Variants in C1QTNF5 observed in about 807,000 individuals in gnomAD.
C1QTNF5 encodes the protein C1q and TNF related 5, also known as complement C1q tumor necrosis factor-related protein 5.
A neutral mutation model predicts 10.9 loss-of-function variants in C1QTNF5; 5 were observed. The observed-to-expected ratio is 0.46, with a 90% CI of 0.24 to 0.97. The LOEUF (loss-of-function observed/expected upper bound fraction) is 0.97, where lower values mean the gene tolerates loss of function less well. Ranked by LOEUF, C1QTNF5 falls within the 50% of genes least tolerant of loss-of-function variation. C1QTNF5 has a pLI of 0.19. For missense variants in C1QTNF5, 281 were observed against 339.4 expected, an observed-to-expected ratio of 0.83 and a Z score of 1.35; for synonymous variants, 161 against 156.5, an observed-to-expected ratio of 1.03 and a Z score of -0.22.
chr11:119,345,269 G>C (rs117866758), upstream of C1QTNF5: 14 of 839,528 alleles, frequency 1.7e-5, no homozygotes, highest in East Asian at 3.2e-4. Context: ...TCTTCCTCAC[G>C]GCACACAGCA....
upstream of C1QTNF5, chr11:119,343,751 A>G (rs1479180740): frequency 1.9e-6 from 3 of 1,600,528 alleles, no homozygotes; most frequent in East Asian, 4.5e-5. Context: ...CTGGGCCGAC[A>G]TGGAAGCCGG....
the C1QTNF5 span, chr11:119,346,368 A>G: frequency 6.2e-7 from 1 of 1,613,942 alleles, no homozygotes; most frequent in Non-Finnish European, 8.5e-7. Flanking sequence ...GGATTGCAGA[A>G]CTCGGTCTGG....
Position 119,339,364 on chromosome 11 carries a change from G to A in C1QTNF5, c.699C>T (p.Tyr233=). Residue 233 remains tyrosine (Y), a synonymous_variant, in exon 3 of 3, where the codon TAC becomes TAT. Coordinates refer to ENST00000528368, the MANE Select transcript of C1QTNF5 (RefSeq NM_001278431.2). The surrounding 1 kb of genome is among the most constrained non-coding windows in gnomAD (Gnocchi z 5.4). ...TDSTFSGFLV[Y]SDWHSSPVFA ...AGACTGGGGAGCTGTGCCAGTCGGAGTACACCAGAAATCCGGAGAAGGTGC... is the reference window on the plus strand; with the variant it reads ...AGACTGGGGAGCTGTGCCAGTCGGAATACACCAGAAATCCGGAGAAGGTGC... 1 of 1,613,200 alleles carries A rather than the reference G, an allele frequency of 6.2e-7. No homozygotes were observed. Among genetic ancestry groups the A allele is most frequent in the Non-Finnish European group, 8.5e-7 (1 of 1,179,430 alleles).
At chr11:119,345,647 G>A (rs201244815), upstream of C1QTNF5, 7 of 1,613,394 alleles carry the variant, frequency 4.3e-6, no homozygotes, top group Non-Finnish European at 5.9e-6. Context: ...CAGAGATGGA[G>A]GTTAGAGTTC....
chr11:119,344,055 G>GCT, upstream of C1QTNF5: 5 of 1,515,352 alleles, frequency 3.3e-6, no homozygotes, highest in Non-Finnish European at 4.5e-6. Flanking sequence ...ACTGCTGGCT[G>GCT]GGGGGATGGG....
upstream of C1QTNF5, among the ~76,000 whole-genome samples, chr11:119,342,352 G>A (rs1950510684): frequency 6.6e-6 from 1 of 152,220 alleles, no homozygotes; most frequent in Non-Finnish European, 1.5e-5. Flanking sequence ...AGAAGGGACT[G>A]GTTCTTGAAG....
upstream of C1QTNF5, chr11:119,344,570 G>A: frequency 6.2e-7 from 1 of 1,612,746 alleles, no homozygotes; most frequent in Non-Finnish European, 8.5e-7. Context: ...ACCAGAGCTG[G>A]GGAGCCCAGC....
At chr11:119,341,593 G>A, upstream of C1QTNF5, 14 of 1,612,972 alleles carry the variant, frequency 8.7e-6, no homozygotes, top group Non-Finnish European at 1.1e-5. Flanking sequence ...CTGGCAGCCT[G>A]TTGCAGTTGA....
upstream of C1QTNF5, chr11:119,344,182 A>AT (rs763694139): frequency 5.2e-5 from 52 of 997,118 alleles, no homozygotes; most frequent in Non-Finnish European, 7.4e-5. Context: ...ATATTCCCCC[A>AT]TCCCCCGTCT....
At chr11:119,341,547 G>C (rs753103667), upstream of C1QTNF5, 26 of 1,611,940 alleles carry the variant, frequency 1.6e-5, no homozygotes, top group Non-Finnish European at 1.9e-5. Flanking sequence ...CGGCTTCAGG[G>C]TCAGGGCTGG....
upstream of C1QTNF5, chr11:119,341,672 C>T (rs750570918): frequency 6.1e-5 from 99 of 1,612,930 alleles, no homozygotes; most frequent in Admixed American, 5.0e-5. Flanking sequence ...GCAGACAGAG[C>T]GGCAAGGGGG....
chr11:119,344,597 CGCCTGA>C, upstream of C1QTNF5: 8 of 1,613,632 alleles, frequency 5.0e-6, no homozygotes, highest in Non-Finnish European at 6.8e-6. Flanking sequence ...CCAGATCAGA[CGCCTGA>C]AGAGAGGACC....
chr11:119,343,708 G>C, upstream of C1QTNF5: 1 of 1,409,018 alleles, frequency 7.1e-7, no homozygotes, highest in East Asian at 2.3e-5. Flanking sequence ...GCCTGGAGTA[G>C]CAGAAGAAAA....
chr11:119,340,184 C>T lies in C1QTNF5; in HGVS notation c.214G>A (p.Gly72Arg), dbSNP rs1431216931. The change falls in exon 2 of 3, where the codon GGA (glycine) becomes AGA (arginine). Residue 72 changes from glycine to arginine, a missense_variant and splice_region_variant. Coordinates refer to ENST00000528368, the MANE Select transcript of C1QTNF5 (RefSeq NM_001278431.2). ...GATAGCCGCGGCGGTGCCTTCTTAC[C>T]CGGCCTCCCGCCCTCGCCTTTCTCT... Reference protein sequence around the residue: ...PGEKGEGGRPGLPGPRGDPGP... With the variant: ...PGEKGEGGRPRLPGPRGDPGP... 2.3e-5 allele frequency: 35 copies of T among 1,514,758 alleles called. No individual in the cohort carries two copies. Among genetic ancestry groups the T allele is most frequent in the African/African-American group, 2.9e-5 (2 of 68,728 alleles). 93.8% of individuals were successfully genotyped at this position (1,514,758 alleles called of 1,614,324 possible).
At chr11:119,343,173 A>T (rs941250765), upstream of C1QTNF5, among the ~76,000 whole-genome samples, 2 of 152,206 alleles carry the variant, frequency 1.3e-5, no homozygotes, top group Non-Finnish European at 2.9e-5. Flanking sequence ...CAGGGAAAGC[A>T]TTAAACAAAC....
upstream of C1QTNF5, chr11:119,344,369 G>A (rs767165696): frequency 3.1e-6 from 5 of 1,613,948 alleles, no homozygotes; most frequent in South Asian, 2.2e-5. Context: ...TGCCCTGGAG[G>A]CCAGTCAGAT....
At position 119,340,221 on chromosome 11, in the gene C1QTNF5, G is replaced by A; in HGVS notation, c.177C>T (p.Pro59=). ...CCTCGCCTTTCTCTCCCGGAGCCCC[G>A]GGCGCGCCGTCGCGGCCGTCGCGGC... ...RDGRDGRDGA[P]GAPGEKGEGG... The change falls in exon 2 of 3, where the codon CCC becomes CCT. Residue 59 remains proline, a synonymous_variant. Coordinates refer to ENST00000528368, the MANE Select transcript of C1QTNF5 (RefSeq NM_001278431.2). 1.4e-5 allele frequency: 21 copies of A among 1,513,448 alleles called. No individual in the cohort carries two copies. The highest frequency in any genetic ancestry group is 1.9e-5 in the Non-Finnish European group (21 of 1,133,626). The allele number at this position is 1,513,448 out of a possible 1,614,324, so 93.8% of individuals were successfully genotyped here. A position where few individuals can be genotyped will look rare whatever the true frequency, so the allele number is the denominator to read the frequency against.
chr11:119,340,522 C>G (rs925509347), intron 1 of C1QTNF5, 82 bp from the exon 2 acceptor site: 1 of 1,026,236 alleles, frequency 9.7e-7, no homozygotes, highest in African/African-American at 1.6e-5. Flanking sequence ...CCCAGTCGGT[C>G]CCCACCCCAC....
upstream of C1QTNF5, chr11:119,344,713 G>A: frequency 6.2e-7 from 1 of 1,614,084 alleles, no homozygotes; most frequent in Non-Finnish European, 8.5e-7. Flanking sequence ...TCAGGTAGCA[G>A]GCAGATGAGC....
Sources: gnomAD v4.1 joint callset for allele counts (sites outside exome capture counted in the v4.1 genomes callset) on GRCh38, gnomAD v4.1.1 for gene constraint, Gnocchi (gnomAD v3.1) non-coding constraint, MANE v1.5 for transcripts, NCBI Gene and HGNC (gene_info 2026-07-23, HGNC 2026-07-21) for gene names.